PIGN: variants seen among roughly 807,000 people sequenced by gnomAD.
The protein encoded by PIGN is GPI ethanolamine phosphate transferase 1.
PIGN carries 117 observed loss-of-function variants against 125.4 expected under a neutral mutation model. The ratio of observed to expected loss-of-function variants is 0.93; its 90% CI spans 0.80 to 1.09. The LOEUF (loss-of-function observed/expected upper bound fraction) is 1.09, where lower values mean the gene tolerates loss of function less well. PIGN is among the 50% of genes least tolerant of loss of function. The pLI is 0.00. For synonymous variants in PIGN, 392 were observed against 377.8 expected, an observed-to-expected ratio of 1.04 and a Z score of -0.44; for missense variants, 1,075 against 1,094.9, an observed-to-expected ratio of 0.98 and a Z score of 0.26.
intron 23 of PIGN, among the ~76,000 whole-genome samples, chr18:62,028,870 C>T (rs918766897): frequency 6.6e-6 from 1 of 152,200 alleles, no homozygotes; most frequent in Non-Finnish European, 1.5e-5. Flanking sequence ...TGCTAGAATT[C>T]CCAAAAAGCA....
At chr18:62,027,566 C>A (rs374429625) in intron 23 of PIGN, among the ~76,000 whole-genome samples, 1 of 152,172 alleles carries the variant, frequency 6.6e-6, no homozygotes, top group African/African-American at 2.4e-5. Flanking sequence ...ATAACAGACA[C>A]GGTTGCATTC....
At chr18:62,062,940 T>C (rs1490143703) in intron 30 of PIGN, among the ~76,000 whole-genome samples, 4 of 139,518 alleles carry the variant, frequency 2.9e-5, no homozygotes, top group Admixed American at 8.0e-5. Flanking sequence ...TTTGTGCTGT[T>C]TATTCCATGA....
intron 23 of PIGN, among the ~76,000 whole-genome samples, chr18:62,019,155 G>C (rs1171909657): frequency 1.3e-5 from 2 of 152,174 alleles, no homozygotes; most frequent in Non-Finnish European, 2.9e-5. Flanking sequence ...GCTGCAGTGA[G>C]CTATGATTGT....
chr18:62,082,917 C>T (rs767040591), intron 27 of PIGN, among the ~76,000 whole-genome samples, 171 bp from the exon 28 acceptor site: 2 of 151,972 alleles, frequency 1.3e-5, no homozygotes, highest in Non-Finnish European at 2.9e-5. Flanking sequence ...GCACATAGAA[C>T]GGTGATGAAA....
intron 11 of PIGN, 49 bp downstream of exon 11, chr18:62,143,257 T>C (rs1157298704): frequency 1.0e-6 from 1 of 956,572 alleles, no homozygotes; most frequent in East Asian, 2.6e-5. Context: ...TCTAACCTTC[T>C]TATAGAAGAT....
At chr18:62,082,824 T>C in intron 27 of PIGN, 78 bp from the exon 28 acceptor site, 2 of 760,408 alleles carry the variant, frequency 2.6e-6, no homozygotes, top group East Asian at 2.7e-5. Flanking sequence ...TATTTCTGCT[T>C]ACAGAAATAT....
At chr18:62,186,041 ATTTTTTTTTTT>A (rs755658401) in intron 1 of PIGN, among the ~76,000 whole-genome samples, 10 of 102,230 alleles carry the variant, frequency 9.8e-5, no homozygotes, top group East Asian at 8.2e-4. Context: ...AGCGGAATTG[ATTTTTTTTTTT>A]TTTTTTTTTT....
intron 1 of PIGN, among the ~76,000 whole-genome samples, chr18:62,174,973 A>T (rs906277821): frequency 2.0e-5 from 3 of 149,194 alleles, no homozygotes; most frequent in Non-Finnish European, 3.0e-5. Flanking sequence ...AAATTTCTTG[A>T]TTACAGACTC....
At position 62,017,701 on chromosome 18, in the gene PIGN, AC is replaced by A. The variant is rs1260171971; in HGVS notation, c.2182del (p.Arg728SerfsTer11). 2 of 150,194 alleles carry A rather than the reference AC, an allele frequency of 1.3e-5. No homozygotes were observed. The highest frequency in any genetic ancestry group is 3.0e-5 in the Non-Finnish European group (2 of 67,658). 9.3% of individuals were successfully genotyped at this position (150,194 alleles called of 1,614,324 possible). On this transcript the variant is annotated frameshift_variant, in exon 24 of 25. Transcript: ENST00000639600. LOFTEE classifies it high-confidence loss of function. ...TCCATTTTTGTGAGATGTTTCCTACACCTCCAGGCAGTGCTTCTGCAGTCAG... is the reference window on the plus strand; with the variant it reads ...TCCATTTTTGTGAGATGTTTCCTACACTCCAGGCAGTGCTTCTGCAGTCAG...
At chr18:62,110,041 T>C (rs931927540) in intron 16 of PIGN, 68 bp from the exon 17 acceptor site, 11 of 1,462,614 alleles carry the variant, frequency 7.5e-6, no homozygotes, top group Non-Finnish European at 8.5e-6. Flanking sequence ...TAAAAGAGAT[T>C]TTATAAAGTA....
intron 1 of PIGN, among the ~76,000 whole-genome samples, chr18:62,185,727 A>T (rs1468167148): frequency 1.3e-5 from 2 of 152,286 alleles, no homozygotes; most frequent in African/African-American, 4.8e-5. Context: ...TGAAAAAAAT[A>T]GGAGCCATAA....
intron 1 of PIGN, among the ~76,000 whole-genome samples, chr18:62,168,054 C>T (rs1390153586): frequency 2.6e-5 from 2 of 77,686 alleles, no homozygotes; most frequent in African/African-American, 7.4e-5. Context: ...ATTAGCTAGG[C>T]GTGGTGGCGC....
chr18:62,122,816 CCTAT>C (rs745995831), intron 14 of PIGN, among the ~76,000 whole-genome samples: 7 of 152,138 alleles, frequency 4.6e-5, no homozygotes, highest in African/African-American at 1.4e-4. Context: ...TCCCTCTAGA[CCTAT>C]CTTTCCTCTT....
intron 1 of PIGN, among the ~76,000 whole-genome samples, chr18:62,169,964 A>G (rs1305151686): frequency 6.6e-6 from 1 of 152,202 alleles, no homozygotes; most frequent in Non-Finnish European, 1.5e-5. Flanking sequence ...GTTGTTTTCC[A>G]AAATTGTTGT....
chr18:62,083,192 T>C (rs2033530718), intron 27 of PIGN, among the ~76,000 whole-genome samples: 2 of 152,232 alleles, frequency 1.3e-5, no homozygotes, highest in African/African-American at 4.8e-5. Flanking sequence ...ATTCAGCTTC[T>C]TAATCTTTGC....
chr18:62,020,631 T>A (rs1176050258), intron 23 of PIGN, among the ~76,000 whole-genome samples: 2 of 151,870 alleles, frequency 1.3e-5, no homozygotes, highest in Admixed American at 1.3e-4. Flanking sequence ...GAGATACTCC[T>A]ACCTACCCAT....
chr18:62,082,696 C>A lies in PIGN; in HGVS notation c.2553G>T (p.Leu851Phe). The change falls in exon 28 of 31, where the codon TTG (leucine) becomes TTT (phenylalanine). Residue 851 changes from leucine (L) to phenylalanine (F), a missense_variant. Leu to Phe is a conservative substitution (Grantham distance 22, BLOSUM62 0). This residue lies in a region of PIGN where 915 missense variants were observed against 908.7 expected (regional missense o/e 1.01). Transcript: ENST00000640252. Reference protein sequence around the residue: ...LVMCAFEAVQLTTQLSSKSLF... With the variant: ...LVMCAFEAVQFTTQLSSKSLF... ...ACCTTTTTGACGATAACTGAGTAGTCAACTGAACTGCTTCAAAAGCACACA... is the reference window on the plus strand; with the variant it reads ...ACCTTTTTGACGATAACTGAGTAGTAAACTGAACTGCTTCAAAAGCACACA... 6.5e-7 allele frequency: 1 copy of A among 1,549,928 alleles called. No individual in the cohort carries two copies. The highest frequency in any genetic ancestry group is 1.2e-5 in the South Asian group (1 of 84,078).
At chr18:62,125,552 T>C (rs1378298691) in intron 14 of PIGN, among the ~76,000 whole-genome samples, 1 of 152,080 alleles carries the variant, frequency 6.6e-6, no homozygotes, top group African/African-American at 2.4e-5. Context: ...ACGATGGAAC[T>C]GCTTGGTTAA....
intron 22 of PIGN, among the ~76,000 whole-genome samples, chr18:62,099,298 G>A (rs2034341460): frequency 6.6e-6 from 1 of 152,042 alleles, no homozygotes; most frequent in African/African-American, 2.4e-5. Flanking sequence ...GTATACTTTA[G>A]ACCAAAAACA....
Sources: allele counts gnomAD v4.1 joint callset (sites outside exome capture counted in the v4.1 genomes callset), GRCh38; gene constraint gnomAD v4.1.1; regional missense constraint gnomAD v4.1.1; transcripts MANE v1.5; gene names NCBI Gene and HGNC (gene_info 2026-07-23, HGNC 2026-07-21).